AUH: variants seen among roughly 807,000 people sequenced by gnomAD.
AUH encodes the protein methylglutaconyl-CoA hydratase, mitochondrial.
In AUH, 29 loss-of-function variants were observed where a neutral mutation model predicts 42.3. The observed-to-expected ratio is 0.69, with a 90% confidence interval of 0.51 to 0.93. The LOEUF is 0.93. Ranked by LOEUF, AUH falls within the 40% of genes least tolerant of loss-of-function variation. The pLI is 0.00. For synonymous variants in AUH, 174 were observed against 166.4 expected (o/e 1.05, Z -0.35); for missense variants, 452 against 438.1 (o/e 1.03, Z -0.28).
At chr9:91,331,144 T>C (rs899123612) in intron 3 of AUH, among the ~76,000 whole-genome samples, 3 of 152,146 alleles carry the variant, frequency 2.0e-5, no homozygotes, top group African/African-American at 7.2e-5. Context: ...CCTCCTATAC[T>C]GTCTCCAAGC....
rs943344343 is a variant in AUH, at chr9:91,227,167, A to G, written c.656-6175T>C. Among the ~76,000 whole-genome samples, 91 of 150,734 alleles carry G rather than the reference A, an allele frequency of 6.0e-4. 1 individual carries two copies. The highest frequency in any genetic ancestry group is 1.1e-3 in the Non-Finnish European group (77 of 67,350). Reference sequence around the variant, plus strand: ...CAGTATGGCCATTTTCACGATATTGATTCTTCCTACCCATGAGCATGGAAT... The same window carrying G: ...CAGTATGGCCATTTTCACGATATTGGTTCTTCCTACCCATGAGCATGGAAT... On this transcript the variant is annotated intron_variant, in intron 6 of 9. Transcript: ENST00000375731.
chr9:91,331,099 G>A lies in AUH; in HGVS notation c.419-5695C>T, dbSNP rs556555824. Among the ~76,000 whole-genome samples, 7 of 151,622 alleles carry A rather than the reference G, an allele frequency of 4.6e-5. 1 individual carries two copies. Among genetic ancestry groups the A allele is most frequent in the African/African-American group, 1.5e-4 (6 of 41,324 alleles). On this transcript the variant is annotated intron_variant, in intron 3 of 9. Transcript: ENST00000375731. ...CTGCCAATTTTTTCCTCCTTTTTACGCCAAACTCTTCAGAAGACCTGCCTC... is the reference window on the plus strand; with the variant it reads ...CTGCCAATTTTTTCCTCCTTTTTACACCAAACTCTTCAGAAGACCTGCCTC...
intron 3 of AUH, among the ~76,000 whole-genome samples, chr9:91,336,973 G>A (rs1203407105): frequency 6.6e-6 from 1 of 152,112 alleles, no homozygotes; most frequent in Non-Finnish European, 1.5e-5. Flanking sequence ...TCATTTCTAT[G>A]CCATCTATTT....
intron 6 of AUH, among the ~76,000 whole-genome samples, chr9:91,287,662 T>C (rs546307736): frequency 3.9e-4 from 60 of 152,214 alleles, no homozygotes; most frequent in African/African-American, 1.1e-3. Flanking sequence ...AAAACATGAA[T>C]GAGGTACTCT....
At chr9:91,320,012 G>T (rs1005363753) in intron 4 of AUH, among the ~76,000 whole-genome samples, 7 of 152,156 alleles carry the variant, frequency 4.6e-5, no homozygotes, top group Non-Finnish European at 1.0e-4. Flanking sequence ...GAGGAGGCAA[G>T]AACTGAGATT....
chr9:91,351,047 G>A (rs973231120), intron 3 of AUH, among the ~76,000 whole-genome samples: 1 of 151,418 alleles, frequency 6.6e-6, no homozygotes, highest in Non-Finnish European at 1.5e-5. Flanking sequence ...ATCACGGCTC[G>A]CAGCTTTGAT....
chr9:91,268,955 T>C (rs1213667108), intron 6 of AUH, among the ~76,000 whole-genome samples: 1 of 152,022 alleles, frequency 6.6e-6, no homozygotes, highest in African/African-American at 2.4e-5. Context: ...TTTATCCTAC[T>C]GAGGTGGTAT....
At chr9:91,355,120 A>G (rs1434166413) in intron 3 of AUH, among the ~76,000 whole-genome samples, 3 of 152,222 alleles carry the variant, frequency 2.0e-5, no homozygotes, top group Non-Finnish European at 4.4e-5. Context: ...GGTATCCTAC[A>G]TTTTAAGAAA....
chr9:91,307,682 G>GT (rs1564085496), intron 4 of AUH, among the ~76,000 whole-genome samples: 7 of 152,064 alleles, frequency 4.6e-5, no homozygotes. Flanking sequence ...AAATTGTTCC[G>GT]TTTTATTCCT....
intron 1 of AUH, among the ~76,000 whole-genome samples, chr9:91,358,842 T>C (rs938405285): frequency 1.3e-5 from 2 of 152,242 alleles, no homozygotes; most frequent in South Asian, 4.1e-4. Flanking sequence ...TTATCTAATA[T>C]GTAACAACTG....
chr9:91,288,874 T>G (rs1826634906), intron 6 of AUH, among the ~76,000 whole-genome samples: 1 of 152,178 alleles, frequency 6.6e-6, no homozygotes, highest in Non-Finnish European at 1.5e-5. Context: ...AATAGAAATA[T>G]TACCATCTCT....
At chr9:91,250,655 A>T (rs1247630159) in intron 6 of AUH, among the ~76,000 whole-genome samples, 1 of 152,246 alleles carries the variant, frequency 6.6e-6, no homozygotes, top group African/African-American at 2.4e-5. Flanking sequence ...CTAAAACCCT[A>T]AGAAAATGTT....
chr9:91,222,517 G>C (rs929998526), intron 6 of AUH, among the ~76,000 whole-genome samples: 3 of 152,212 alleles, frequency 2.0e-5, no homozygotes, highest in Non-Finnish European at 4.4e-5. Context: ...GTTTATATAA[G>C]TGTTTACTCG....
intron 3 of AUH, among the ~76,000 whole-genome samples, chr9:91,344,708 G>A (rs1262261294): frequency 6.6e-6 from 1 of 152,058 alleles, no homozygotes; most frequent in Non-Finnish European, 1.5e-5. Context: ...TAGAAGGAAG[G>A]AACATTTCCC....
intron 4 of AUH, among the ~76,000 whole-genome samples, chr9:91,308,552 T>C (rs901003821): frequency 2.6e-5 from 4 of 152,180 alleles, no homozygotes; most frequent in African/African-American, 9.7e-5. Flanking sequence ...TACCAATTAA[T>C]CTTTCACACA....
chr9:91,285,628 A>G (rs910209692), intron 6 of AUH, among the ~76,000 whole-genome samples: 2 of 152,072 alleles, frequency 1.3e-5, no homozygotes, highest in Non-Finnish European at 2.9e-5. Context: ...TAGGTGATCA[A>G]TTCCAAGGGA....
rs556463959 is a variant in AUH, at chr9:91,220,178, G to A, written c.843+627C>T. On this transcript the variant is annotated intron_variant, in intron 7 of 9. Transcript: ENST00000375731. The stretch of plus-strand genomic sequence containing the variant: ...GCTTAAAGCAGGACTGTCAGTGCAC[G>A]GCCACTGATATCACTCCTGAGTCAG... 4.5e-4 allele frequency among the ~76,000 whole-genome samples: 68 copies of A among 152,248 alleles called. 1 individual carries two copies. In the South Asian group the frequency reaches 0.013, roughly 30 times the overall value.
At chr9:91,282,847 G>A (rs1181426789) in intron 6 of AUH, among the ~76,000 whole-genome samples, 1 of 152,082 alleles carries the variant, frequency 6.6e-6, no homozygotes, top group Non-Finnish European at 1.5e-5. Context: ...AAAAGTCCAG[G>A]ACCAGACGGA....
intron 1 of AUH, 126 bp downstream of exon 1, chr9:91,361,502 G>A: frequency 7.6e-7 from 1 of 1,317,070 alleles, no homozygotes; most frequent in Non-Finnish European, 1.0e-6. Context: ...AAAGGGGAGG[G>A]ACCCAGGTTC....
Sources: allele counts gnomAD v4.1 joint callset (sites outside exome capture counted in the v4.1 genomes callset), GRCh38; gene constraint gnomAD v4.1.1; transcripts MANE v1.5; gene names NCBI Gene and HGNC (gene_info 2026-07-23, HGNC 2026-07-21).